MEI4: variants seen among roughly 807,000 people sequenced by gnomAD.
MEI4 encodes meiotic double-stranded break formation protein 4.
MEI4 carries 27 observed loss-of-function variants against 31.4 expected under a neutral mutation model. The ratio of observed to expected loss-of-function variants is 0.86; its 90% confidence interval spans 0.63 to 1.19. The LOEUF is 1.19. Among genes scored for constraint, MEI4 ranks in the 50% most tolerant of loss-of-function variants. MEI4 has a pLI of 0.00. For missense variants in MEI4, 329 were observed against 398.9 expected, an observed-to-expected ratio of 0.82 and a Z score of 1.49; for synonymous variants, 122 against 145.4, an observed-to-expected ratio of 0.84 and a Z score of 1.16.
At chr6:77,843,090 TA>T (rs10710679) in intron 4 of MEI4, among the ~76,000 whole-genome samples, 113,367 of 143,836 alleles carry the variant, frequency 0.79, 44,793 homozygotes, top group East Asian at 0.94. Context: ...TTACTATTAT[TA>T]AAAAAAAAAA....
At chr6:77,884,534 C>T (rs1183418714) in intron 4 of MEI4, among the ~76,000 whole-genome samples, 1 of 152,140 alleles carries the variant, frequency 6.6e-6, no homozygotes, top group African/African-American at 2.4e-5. Context: ...TTTTATATAT[C>T]ATGAGAGATA....
At chr6:77,744,165 T>C (rs1274946476) in intron 2 of MEI4, among the ~76,000 whole-genome samples, 1 of 152,180 alleles carries the variant, frequency 6.6e-6, no homozygotes, top group East Asian at 1.9e-4. Context: ...ACGATCAAAC[T>C]ACTCCGAGCT....
chr6:77,751,024 A>T (rs764102219), intron 2 of MEI4, among the ~76,000 whole-genome samples: 19 of 152,232 alleles, frequency 1.2e-4, no homozygotes, highest in Non-Finnish European at 2.6e-4. Context: ...ACTACTGGGT[A>T]AATAATGAAA....
At chr6:77,666,892 C>T (rs1395502278) in intron 1 of MEI4, among the ~76,000 whole-genome samples, 3 of 150,670 alleles carry the variant, frequency 2.0e-5, no homozygotes, top group African/African-American at 4.9e-5. Context: ...TGCGTGCGTG[C>T]GTGCGTGCAT....
intron 1 of MEI4, among the ~76,000 whole-genome samples, chr6:77,684,037 CTTT>C (rs1439693461): frequency 1.3e-5 from 2 of 152,114 alleles, no homozygotes; most frequent in Non-Finnish European, 2.9e-5. Flanking sequence ...ACATCCTCAT[CTTT>C]TGTCTTTTTG....
intron 4 of MEI4, among the ~76,000 whole-genome samples, chr6:77,851,063 C>A (rs368939826): frequency 4.6e-5 from 7 of 152,130 alleles, no homozygotes; most frequent in East Asian, 3.9e-4. Context: ...CCATCAGAGA[C>A]ATGCAAATCA....
intron 2 of MEI4, among the ~76,000 whole-genome samples, chr6:77,744,637 G>C (rs7763023): frequency 0.32 from 49,034 of 151,916 alleles, 8,232 homozygotes; most frequent in East Asian, 0.48. Context: ...AGATACTCCT[G>C]GAGAAGAGCA....
At chr6:77,921,721 G>A (rs1339820091) in intron 4 of MEI4, among the ~76,000 whole-genome samples, 1 of 151,736 alleles carries the variant, frequency 6.6e-6, no homozygotes, top group African/African-American at 2.4e-5. Context: ...TAATTGGCCT[G>A]ATTTCAATAT....
At position 77,854,259 on chromosome 6, in the gene MEI4, A is replaced by G. The variant is rs998091189; in HGVS notation, c.900+25197A>G. ...ATTTATCCCAACAATTTACCCCTCA[A>G]TATTTGAAATTAAATAGTTAACCAA... On this transcript the variant is annotated intron_variant, in intron 4 of 4. Transcript: ENST00000684080. 2.6e-5 allele frequency among the ~76,000 whole-genome samples: 4 copies of G among 151,928 alleles called. No homozygotes were observed. The East Asian group carries it at 5.8e-4, about 22-fold the overall frequency.
At chr6:77,841,333 A>ATATATATATATTTTTTTTTT in intron 4 of MEI4, among the ~76,000 whole-genome samples, 10 of 27,736 alleles carry the variant, frequency 3.6e-4, no homozygotes, top group East Asian at 4.5e-3. Flanking sequence ...ATATATATAT[A>ATATATATATATTTTTTTTTT]TTTTTTTTTT....
In MEI4 at chr6:77,919,877, G is replaced by A. The variant is rs1305390628; in HGVS notation, c.901-3212G>A. On this transcript the variant is annotated intron_variant, in intron 4 of 4. Transcript: ENST00000684080. ...CAGAGAATGCTACAAACACCTCTAC[G>A]CAAATAAACTAGAAAATCTAGAAGA... Among the ~76,000 whole-genome samples, 301 of 149,900 alleles carry A rather than the reference G, an allele frequency of 2.0e-3. 1 individual carries two copies. The highest frequency in any genetic ancestry group is 6.0e-3 in the African/African-American group (245 of 40,920).
intron 3 of MEI4, among the ~76,000 whole-genome samples, chr6:77,792,065 TA>T (rs1768952199): frequency 6.6e-6 from 1 of 152,210 alleles, no homozygotes; most frequent in African/African-American, 2.4e-5. Flanking sequence ...GTGCCTTGGT[TA>T]TTTCACCTAA....
intron 4 of MEI4, among the ~76,000 whole-genome samples, chr6:77,881,607 A>G (rs1349296320): frequency 6.6e-6 from 1 of 151,728 alleles, no homozygotes; most frequent in South Asian, 2.1e-4. Context: ...GGGTAGATCT[A>G]TTTGAATGTG....
chr6:77,815,142 G>A (rs1384776225), intron 3 of MEI4, among the ~76,000 whole-genome samples: 1 of 152,002 alleles, frequency 6.6e-6, no homozygotes, highest in Non-Finnish European at 1.5e-5. Context: ...AAAGGGTGCC[G>A]AGTAGAGTGC....
intron 4 of MEI4, among the ~76,000 whole-genome samples, chr6:77,919,985 G>T (rs1766665688): frequency 1.4e-5 from 2 of 147,664 alleles, no homozygotes; most frequent in Middle Eastern, 3.4e-3. Flanking sequence ...AATAACAGGA[G>T]CTGAAATTGT....
At chr6:77,902,379 T>A (rs1766203720) in intron 4 of MEI4, among the ~76,000 whole-genome samples, 1 of 152,136 alleles carries the variant, frequency 6.6e-6, no homozygotes, top group African/African-American at 2.4e-5. Flanking sequence ...TTCTTCAATA[T>A]CTTTAATCAG....
chr6:77,795,595 A>G (rs1170018018), intron 3 of MEI4, among the ~76,000 whole-genome samples: 2 of 152,154 alleles, frequency 1.3e-5, no homozygotes, highest in Non-Finnish European at 2.9e-5. Context: ...ACAAGGAGAC[A>G]TTACCAATGA....
intron 2 of MEI4, among the ~76,000 whole-genome samples, chr6:77,744,715 G>A (rs1767532872): frequency 6.6e-6 from 1 of 152,168 alleles, no homozygotes; most frequent in African/African-American, 2.4e-5. Context: ...AGGGCAGCCA[G>A]AGAGAAAGGT....
chr6:77,754,104 T>A (rs937131324), intron 2 of MEI4, among the ~76,000 whole-genome samples: 3 of 150,900 alleles, frequency 2.0e-5, no homozygotes, highest in Non-Finnish European at 4.4e-5. Flanking sequence ...CTGTAGGGGG[T>A]TAGGGGGGTT....
Sources: allele counts gnomAD v4.1 joint callset (sites outside exome capture counted in the v4.1 genomes callset), GRCh38; gene constraint gnomAD v4.1.1; transcripts MANE v1.5; gene names NCBI Gene and HGNC (gene_info 2026-07-23, HGNC 2026-07-21).